The following TMEM117 variants were observed in gnomAD, a reference collection of about 807,000 sequenced individuals.
The protein encoded by TMEM117 is transmembrane protein 117.
Under a neutral mutation model 52.4 loss-of-function variants are expected in TMEM117, and 27 were observed. The ratio of observed to expected loss-of-function variants is 0.51; its 90% CI spans 0.38 to 0.71. TMEM117 has a LOEUF of 0.71. Ranked by LOEUF, TMEM117 falls within the 30% of genes least tolerant of loss-of-function variation. TMEM117 has a pLI of 0.00. For missense variants in TMEM117, 556 were observed against 630.5 expected (o/e 0.88, Z 1.26); for synonymous variants, 215 against 206.3 (o/e 1.04, Z -0.36).
At chr12:43,871,724 T>C (rs973517076) in intron 2 of TMEM117, among the ~76,000 whole-genome samples, 2 of 152,232 alleles carry the variant, frequency 1.3e-5, no homozygotes, top group African/African-American at 2.4e-5. Flanking sequence ...TGTTAAGAGA[T>C]GTATGCTAAT....
At chr12:44,331,826 C>CAGTA (rs1486904554) in intron 6 of TMEM117, among the ~76,000 whole-genome samples, 1 of 152,056 alleles carries the variant, frequency 6.6e-6, no homozygotes, top group Non-Finnish European at 1.5e-5. Context: ...TACTAGCCTT[C>CAGTA]AGTACCCCAA....
chr12:43,881,312 A>G (rs1038744085), intron 2 of TMEM117, among the ~76,000 whole-genome samples: 7 of 152,222 alleles, frequency 4.6e-5, no homozygotes, highest in Non-Finnish European at 7.4e-5. Context: ...AGAGAAAAGC[A>G]TTTGTGCATT....
chr12:43,952,161 G>C (rs1196809250), intron 3 of TMEM117, among the ~76,000 whole-genome samples: 1 of 152,156 alleles, frequency 6.6e-6, no homozygotes, highest in African/African-American at 2.4e-5. Context: ...ATCAAAGGTA[G>C]ATAAATCCAC....
intron 4 of TMEM117, among the ~76,000 whole-genome samples, chr12:44,184,033 C>A (rs1949242082): frequency 6.6e-6 from 1 of 152,130 alleles, no homozygotes; most frequent in South Asian, 2.1e-4. Context: ...ATTCAGGTTA[C>A]TAATCAGCTG....
chr12:43,844,602 C>A (rs780875532), intron 1 of TMEM117, 22 bp from the exon 2 acceptor site: 3 of 1,574,868 alleles, frequency 1.9e-6, no homozygotes, highest in Non-Finnish European at 2.6e-6. Context: ...TCCTCTAACC[C>A]TATCTATCTT....
intron 4 of TMEM117, among the ~76,000 whole-genome samples, chr12:44,155,323 A>G (rs1948811549): frequency 6.6e-6 from 1 of 152,122 alleles, no homozygotes; most frequent in East Asian, 1.9e-4. Context: ...ACTGTATTAA[A>G]TATGGTAAAA....
chr12:44,015,454 A>G (rs894635757), intron 3 of TMEM117, among the ~76,000 whole-genome samples: 1 of 152,136 alleles, frequency 6.6e-6, no homozygotes, highest in African/African-American at 2.4e-5. Context: ...ACTTACATGC[A>G]TATGTTCATC....
At chr12:43,819,432 C>T in the TMEM117 span, among the ~76,000 whole-genome samples, 1 of 152,054 alleles carries the variant, frequency 6.6e-6, no homozygotes, top group Admixed American at 6.5e-5. Context: ...GATGTCTGAC[C>T]CAACAGCATT....
intron 6 of TMEM117, among the ~76,000 whole-genome samples, chr12:44,329,737 C>A (rs1951243509): frequency 6.6e-6 from 1 of 152,066 alleles, no homozygotes; most frequent in Admixed American, 6.6e-5. Flanking sequence ...ACTCTATGTA[C>A]CTCGTACAAG....
chr12:44,299,605 G>C lies in TMEM117; in HGVS notation c.634G>C (p.Val212Leu). The C allele has an allele frequency of 6.2e-7, 1 of 1,614,114 alleles. No individual in the cohort carries two copies. Among genetic ancestry groups the C allele is most frequent in the Non-Finnish European group, 8.5e-7 (1 of 1,180,016 alleles). The change falls in exon 6 of 8, where the codon GTG (valine) becomes CTG (leucine). Residue 212 changes from valine (V) to leucine (L), a missense_variant. This residue lies in a region of TMEM117 where 328 missense variants were observed against 371.4 expected (regional missense o/e 0.88). Coordinates refer to ENST00000266534, the MANE Select transcript of TMEM117 (RefSeq NM_032256.3). ...FWTVLFTLTSVVVLVITTDWI... is the reference protein window; with the variant it reads ...FWTVLFTLTSLVVLVITTDWI... ...GACAGTTCTTTTTACTCTGACGTCT[G>C]TGGTTGTACTTGTGATTACAACGGA... is the stretch of plus-strand genomic sequence containing the variant.
intron 3 of TMEM117, among the ~76,000 whole-genome samples, chr12:44,022,156 C>G (rs916091043): frequency 3.3e-5 from 5 of 152,174 alleles, no homozygotes; most frequent in Non-Finnish European, 7.3e-5. Context: ...TAGTGAAACA[C>G]TAAAGGACTT....
intron 5 of TMEM117, among the ~76,000 whole-genome samples, chr12:44,267,238 A>G (rs1379381863): frequency 3.9e-5 from 6 of 152,080 alleles, no homozygotes; most frequent in Non-Finnish European, 8.8e-5. Flanking sequence ...TTATTATGTT[A>G]CATTTATTTT....
chr12:44,037,564 C>T (rs1946729221), intron 3 of TMEM117, among the ~76,000 whole-genome samples: 1 of 152,176 alleles, frequency 6.6e-6, no homozygotes, highest in Non-Finnish European at 1.5e-5. Flanking sequence ...CATCTTCAAA[C>T]CAGGGAGGGC....
intron 4 of TMEM117, among the ~76,000 whole-genome samples, chr12:44,191,244 C>T (rs1426518097): frequency 2.0e-5 from 3 of 151,948 alleles, no homozygotes; most frequent in Admixed American, 1.3e-4. Flanking sequence ...AGAAACCACT[C>T]CTATGATTCA....
At chr12:43,955,045 C>T (rs1376487820) in intron 3 of TMEM117, among the ~76,000 whole-genome samples, 1 of 152,208 alleles carries the variant, frequency 6.6e-6, no homozygotes, top group African/African-American at 2.4e-5. Flanking sequence ...ACATAATTAT[C>T]TCAATAGACA....
At chr12:44,204,264 T>G (rs1173498264) in intron 4 of TMEM117, among the ~76,000 whole-genome samples, 1 of 152,116 alleles carries the variant, frequency 6.6e-6, no homozygotes, top group Non-Finnish European at 1.5e-5. Context: ...CATTTCTGTA[T>G]GTCAATAATG....
chr12:43,811,407 C>T, the TMEM117 span, among the ~76,000 whole-genome samples: 1 of 152,222 alleles, frequency 6.6e-6, no homozygotes, highest in Non-Finnish European at 1.5e-5. Context: ...AAGGAATCTT[C>T]TGCCTCCTTG....
intron 3 of TMEM117, among the ~76,000 whole-genome samples, chr12:44,000,021 A>T (rs1317654323): frequency 6.6e-6 from 1 of 152,216 alleles, no homozygotes. Flanking sequence ...TTGCCCAATG[A>T]TCAGCTGACT....
intron 3 of TMEM117, among the ~76,000 whole-genome samples, chr12:44,055,796 G>A (rs549411993): frequency 9.9e-5 from 15 of 151,986 alleles, no homozygotes; most frequent in South Asian, 8.3e-4. Context: ...TACCCTATAC[G>A]TCTTGCACCT....
Sources: gnomAD v4.1 joint callset for allele counts (sites outside exome capture counted in the v4.1 genomes callset) on GRCh38, gnomAD v4.1.1 for gene constraint, gnomAD v4.1.1 regional missense constraint, MANE v1.5 for transcripts, NCBI Gene and HGNC (gene_info 2026-07-23, HGNC 2026-07-21) for gene names.